MYMX: variants seen among roughly 807,000 people sequenced by gnomAD.
MYMX encodes the protein myomixer, myoblast fusion factor, also known as protein myomixer.
chr6:44,216,465 C>G (rs1393864557), upstream of MYMX, among the ~76,000 whole-genome samples: 1 of 151,946 alleles, frequency 6.6e-6, no homozygotes, highest in Non-Finnish European at 1.5e-5. Flanking sequence ...GCCTGACCAA[C>G]ATGGTGAAAC....
At chr6:44,195,003 TTTTA>T in the MYMX span, among the ~76,000 whole-genome samples, 1 of 151,970 alleles carries the variant, frequency 6.6e-6, no homozygotes, top group Non-Finnish European at 1.5e-5. Context: ...TCCATTTTCT[TTTTA>T]TTTATTTATT....
the MYMX span, among the ~76,000 whole-genome samples, chr6:44,211,450 A>T: frequency 1.3e-5 from 2 of 152,168 alleles, no homozygotes; most frequent in Non-Finnish European, 2.9e-5. Flanking sequence ...GAATGAAAGA[A>T]GGAAATGGGG....
At chr6:44,192,844 A>C in the MYMX span, among the ~76,000 whole-genome samples, 3 of 152,252 alleles carry the variant, frequency 2.0e-5, no homozygotes, top group Admixed American at 2.0e-4. Context: ...TGCCTCTCCT[A>C]CTGACCATAT....
the MYMX span, among the ~76,000 whole-genome samples, chr6:44,193,136 G>A: frequency 6.6e-6 from 1 of 152,256 alleles, no homozygotes; most frequent in South Asian, 2.1e-4. Flanking sequence ...TGTCAAGGAA[G>A]AGAACACTCA....
chr6:44,213,060 A>G (rs751461643), upstream of MYMX, among the ~76,000 whole-genome samples: 3 of 152,042 alleles, frequency 2.0e-5, no homozygotes, highest in Non-Finnish European at 4.4e-5. Flanking sequence ...AATAAATGAC[A>G]AGGTTTTCTA....
chr6:44,217,329 A>AT, intron 1 of MYMX, 121 bp from the exon 2 acceptor site: 1 of 397,554 alleles, frequency 2.5e-6, no homozygotes, highest in Non-Finnish European at 4.4e-6. Context: ...TGACCTACAA[A>AT]TTGAGGTCAG....
chr6:44,194,543 C>A, the MYMX span, among the ~76,000 whole-genome samples: 1 of 152,308 alleles, frequency 6.6e-6, no homozygotes, highest in African/African-American at 2.4e-5. Context: ...TTGATGGCAG[C>A]CTCACCTCCA....
At chr6:44,211,350 G>C in the MYMX span, among the ~76,000 whole-genome samples, 1 of 152,074 alleles carries the variant, frequency 6.6e-6, no homozygotes, top group East Asian at 1.9e-4. Context: ...GCATACTTTC[G>C]GTTAGGAAAC....
the MYMX span, among the ~76,000 whole-genome samples, chr6:44,211,823 T>TGTGTGTGTGTGTGTGTGTGTGTGTG: frequency 1.3e-4 from 19 of 150,688 alleles, no homozygotes; most frequent in African/African-American, 2.9e-4. Flanking sequence ...TGTGTGTGTG[T>TGTGTGTGTGTGTGTGTGTGTGTGTG]TTAGTAGAGA....
At chr6:44,206,271 G>A in the MYMX span, among the ~76,000 whole-genome samples, 8 of 151,898 alleles carry the variant, frequency 5.3e-5, no homozygotes, top group Admixed American at 3.3e-4. Flanking sequence ...TCACTCTGTC[G>A]CCCAGGCTAG....
the MYMX span, among the ~76,000 whole-genome samples, chr6:44,193,961 G>C: frequency 1.3e-5 from 2 of 151,996 alleles, no homozygotes; most frequent in African/African-American, 4.8e-5. Context: ...TCCAGCCTGG[G>C]AGACAAGAGC....
At chr6:44,212,730 T>C (rs900548458), upstream of MYMX, among the ~76,000 whole-genome samples, 1 of 151,886 alleles carries the variant, frequency 6.6e-6, no homozygotes, top group South Asian at 2.1e-4. Context: ...AATACACTTA[T>C]GCAAAGCTAG....
the MYMX span, among the ~76,000 whole-genome samples, chr6:44,193,587 A>G: frequency 4.6e-5 from 7 of 152,210 alleles, no homozygotes; most frequent in African/African-American, 1.4e-4. Flanking sequence ...TTGTCTTTCT[A>G]TGAAATAATA....
Position 44,217,572 on chromosome 6 carries a change from G to T in MYMX, c.101G>T (p.Arg34Leu). Reference sequence around the variant, plus strand: ...CGCCAATACCTCCTGCCCCTGCTGCGCCGATTGGCCCGCCGCCTGGGCTCC... The same window carrying T: ...CGCCAATACCTCCTGCCCCTGCTGCTCCGATTGGCCCGCCGCCTGGGCTCC... ...LARQYLLPLL[R>L]RLARRLGSQD... The change falls in exon 2 of 2, where the codon CGC becomes CTC. Residue 34 changes from arginine (R) to leucine (L), a missense_variant. Coordinates refer to ENST00000573382, the MANE Select transcript of MYMX (RefSeq NM_001315494.2). The T allele has an allele frequency of 2.5e-6, 1 of 402,482 alleles. No homozygotes were observed. The highest frequency in any genetic ancestry group is 4.4e-6 in the Non-Finnish European group (1 of 227,494). 24.9% of individuals were successfully genotyped at this position (402,482 alleles called of 1,614,324 possible).
chr6:44,202,450 C>T, the MYMX span, among the ~76,000 whole-genome samples: 1 of 150,338 alleles, frequency 6.7e-6, no homozygotes, highest in African/African-American at 2.5e-5. Flanking sequence ...TTTCAATTGA[C>T]CTTAAGGAAA....
chr6:44,197,341 T>C, the MYMX span, among the ~76,000 whole-genome samples: 1 of 152,186 alleles, frequency 6.6e-6, no homozygotes, highest in Non-Finnish European at 1.5e-5. Flanking sequence ...GAGACCAGCC[T>C]GACCAACATG....
At chr6:44,199,359 CT>C in the MYMX span, among the ~76,000 whole-genome samples, 2 of 151,258 alleles carry the variant, frequency 1.3e-5, no homozygotes, top group African/African-American at 4.9e-5. Context: ...ACTGTGCCCC[CT>C]AATTTTCTTT....
At chr6:44,215,232 A>G (rs1775796687), upstream of MYMX, among the ~76,000 whole-genome samples, 1 of 152,238 alleles carries the variant, frequency 6.6e-6, no homozygotes, top group Non-Finnish European at 1.5e-5. Context: ...TGATCCAGCA[A>G]GGCAGGAATT....
chr6:44,209,965 G>A, the MYMX span: 1 of 148,310 alleles, frequency 6.7e-6, no homozygotes, highest in South Asian at 2.2e-4. Context: ...TTATTTATTT[G>A]AGAAGGAGTG....
Sources: gnomAD v4.1 joint callset for allele counts (sites outside exome capture counted in the v4.1 genomes callset) on GRCh38, gnomAD v4.1.1 for gene constraint, MANE v1.5 for transcripts, NCBI Gene and HGNC (gene_info 2026-07-23, HGNC 2026-07-21) for gene names.